RIMS1: variants seen among roughly 807,000 people sequenced by gnomAD.
The protein encoded by RIMS1 is regulating synaptic membrane exocytosis 1.
RIMS1 carries 83 observed loss-of-function variants against 214.1 expected under a neutral mutation model. The observed-to-expected ratio is 0.39, with a 90% CI of 0.32 to 0.47. The LOEUF is 0.47. Ranked by LOEUF, RIMS1 falls within the 20% of genes least tolerant of loss-of-function variation. The pLI, the probability that RIMS1 is intolerant of heterozygous loss-of-function variation, is 0.99. For missense variants in RIMS1, 2,050 were observed against 2,161.8 expected, an observed-to-expected ratio of 0.95 and a Z score of 1.03; for synonymous variants, 793 against 786.8, an observed-to-expected ratio of 1.01 and a Z score of -0.13.
At chr6:72,340,564 T>C (rs2097034250) in intron 29 of RIMS1, among the ~76,000 whole-genome samples, 1 of 152,158 alleles carries the variant, frequency 6.6e-6, no homozygotes, top group Non-Finnish European at 1.5e-5. Flanking sequence ...TTTCTTGTTT[T>C]TGTCAGGTTT....
chr6:72,277,017 T>C (rs1484426345), intron 23 of RIMS1, among the ~76,000 whole-genome samples: 3 of 152,242 alleles, frequency 2.0e-5, no homozygotes, highest in African/African-American at 7.2e-5. Flanking sequence ...AATTCAACTT[T>C]GGATATCTTC....
chr6:72,311,874 G>A (rs1042588461), intron 27 of RIMS1, among the ~76,000 whole-genome samples: 37 of 152,156 alleles, frequency 2.4e-4, no homozygotes, highest in Admixed American at 2.4e-3. Context: ...GGGAGGCTGA[G>A]GCAGGAGAAT....
At chr6:71,897,678 C>G (rs1772245733) in intron 1 of RIMS1, among the ~76,000 whole-genome samples, 1 of 152,106 alleles carries the variant, frequency 6.6e-6, no homozygotes, top group Non-Finnish European at 1.5e-5. Flanking sequence ...TTTGATTTTT[C>G]TATAACCTCT....
intron 6 of RIMS1, among the ~76,000 whole-genome samples, chr6:72,199,537 C>T (rs1302303902): frequency 2.6e-5 from 4 of 151,850 alleles, no homozygotes; most frequent in Non-Finnish European, 5.9e-5. Context: ...AATACTGTGT[C>T]TGCATGAAAA....
intron 4 of RIMS1, among the ~76,000 whole-genome samples, chr6:72,139,704 A>G (rs1359301275): frequency 6.6e-6 from 1 of 152,108 alleles, no homozygotes; most frequent in African/African-American, 2.4e-5. Context: ...AGTTCTTAAT[A>G]TATATAGTTC....
chr6:71,894,472 C>T (rs1771016217), intron 1 of RIMS1, among the ~76,000 whole-genome samples: 1 of 151,970 alleles, frequency 6.6e-6, no homozygotes, highest in Non-Finnish European at 1.5e-5. Context: ...AAGGTATTCT[C>T]TTTTATGGAA....
chr6:72,137,828 C>A (rs2041538221), intron 4 of RIMS1, among the ~76,000 whole-genome samples: 1 of 151,548 alleles, frequency 6.6e-6, no homozygotes, highest in South Asian at 2.1e-4. Flanking sequence ...GCTCCGCCTC[C>A]CGGGTTTACA....
chr6:72,163,213 T>C (rs7741047), intron 4 of RIMS1, among the ~76,000 whole-genome samples: 122,662 of 139,502 alleles, frequency 0.88, 56,230 homozygotes, highest in East Asian at 1. Context: ...ACATAGTTCT[T>C]GTGCCATGGT....
chr6:71,908,186 G>A (rs866973456), intron 1 of RIMS1, among the ~76,000 whole-genome samples: 3 of 152,140 alleles, frequency 2.0e-5, no homozygotes, highest in Non-Finnish European at 1.5e-5. Flanking sequence ...AGAATTGATG[G>A]CTAACTTGGG....
chr6:72,250,392 T>A lies in RIMS1; in HGVS notation c.2304T>A (p.Asp768Glu). 1 of 1,609,738 alleles carries A rather than the reference T, an allele frequency of 6.2e-7. No individual in the cohort carries two copies. The highest frequency in any genetic ancestry group is 8.5e-7 in the Non-Finnish European group (1 of 1,176,924). ...TTGTAAATGTTCTGCAAGCAACAGA[T>A]CTACCTGCTAGAGTAGATGGACGTC... ...QLIVNVLQAT[D>E]LPARVDGRPR... The change falls in exon 13 of 34, where the codon GAT becomes GAA. Residue 768 changes from aspartate (D) to glutamate (E), a missense_variant. This residue lies in a region of RIMS1 where 889 missense variants were observed against 885.5 expected (regional missense o/e 1.00). Coordinates refer to ENST00000521978, the MANE Select transcript of RIMS1 (RefSeq NM_014989.7).
At chr6:72,218,042 A>G (rs185041040) in intron 6 of RIMS1, among the ~76,000 whole-genome samples, 1 of 151,934 alleles carries the variant, frequency 6.6e-6, no homozygotes, top group East Asian at 1.9e-4. Context: ...AAAAAGACAC[A>G]ATTATTAAAT....
chr6:72,297,878 A>G (rs139075984), intron 26 of RIMS1, among the ~76,000 whole-genome samples: 2 of 152,164 alleles, frequency 1.3e-5, no homozygotes, highest in East Asian at 3.9e-4. Context: ...GGAAAAGTTC[A>G]CAGCATAGAA....
chr6:72,343,492 C>CTTTTTTTTTTTTTTTTTTTTTTT (rs764125827), intron 29 of RIMS1, among the ~76,000 whole-genome samples: 9 of 57,270 alleles, frequency 1.6e-4, no homozygotes, highest in East Asian at 4.5e-4. Flanking sequence ...TCTTCTTCTT[C>CTTTTTTTTTTTTTTTTTTTTTTT]TTTTTTTTTT....
intron 1 of RIMS1, among the ~76,000 whole-genome samples, chr6:71,945,301 C>T (rs918891069): frequency 1.3e-5 from 2 of 152,058 alleles, no homozygotes; most frequent in African/African-American, 4.8e-5. Context: ...GGTTGCAGCT[C>T]TCAGTAAAGG....
At chr6:72,125,407 G>A (rs1389035143) in intron 4 of RIMS1, among the ~76,000 whole-genome samples, 1 of 152,158 alleles carries the variant, frequency 6.6e-6, no homozygotes, top group East Asian at 1.9e-4. Context: ...GACCCCTGCT[G>A]GCAGGTGTCT....
At chr6:72,203,368 G>A (rs188031466) in intron 6 of RIMS1, among the ~76,000 whole-genome samples, 17 of 152,272 alleles carry the variant, frequency 1.1e-4, no homozygotes, top group East Asian at 3.9e-4. Context: ...CTTGAATGCC[G>A]ACGTTTAATA....
chr6:72,019,669 A>G (rs1418188846), intron 2 of RIMS1, among the ~76,000 whole-genome samples: 1 of 152,176 alleles, frequency 6.6e-6, no homozygotes, highest in African/African-American at 2.4e-5. Flanking sequence ...ATCTGACTAA[A>G]GGAACTAGGA....
intron 2 of RIMS1, among the ~76,000 whole-genome samples, chr6:72,036,767 T>C (rs1189463514): frequency 6.6e-6 from 1 of 152,192 alleles, no homozygotes; most frequent in Non-Finnish European, 1.5e-5. Context: ...TTGTGTTTTT[T>C]AGGTTCAAAC....
At chr6:72,348,903 T>C (rs186974452) in intron 29 of RIMS1, among the ~76,000 whole-genome samples, 117 of 152,110 alleles carry the variant, frequency 7.7e-4, no homozygotes, top group Middle Eastern at 3.4e-3. Flanking sequence ...AACATCCTTT[T>C]ATATCATTTA....
Sources: gnomAD v4.1 joint callset for allele counts (sites outside exome capture counted in the v4.1 genomes callset) on GRCh38, gnomAD v4.1.1 for gene constraint, gnomAD v4.1.1 regional missense constraint, MANE v1.5 for transcripts, NCBI Gene and HGNC (gene_info 2026-07-23, HGNC 2026-07-21) for gene names.